The following MSRA variants were observed in gnomAD, a reference collection of about 807,000 sequenced individuals.
MSRA encodes the protein methionine sulfoxide reductase A, also known as mitochondrial peptide methionine sulfoxide reductase.
In MSRA, 54 loss-of-function variants were observed where a neutral mutation model predicts 31.3. The observed-to-expected ratio is 1.73, with a 90% CI of 1.39 to 2.17. The LOEUF (loss-of-function observed/expected upper bound fraction) is 2.17, where lower values mean the gene tolerates loss of function less well. Ranked by LOEUF, MSRA falls within the 30% of genes most tolerant of loss-of-function variation. The pLI is 0.00. For missense variants in MSRA, 507 were observed against 300.9 expected, an observed-to-expected ratio of 1.69 and a Z score of -5.07; for synonymous variants, 169 against 116.5, an observed-to-expected ratio of 1.45 and a Z score of -2.90.
chr8:10,243,209 G>A (rs1797428942), intron 2 of MSRA, among the ~76,000 whole-genome samples: 1 of 152,094 alleles, frequency 6.6e-6, no homozygotes, highest in African/African-American at 2.4e-5. Context: ...GTTAGTCGTT[G>A]TGCAGCACAG....
chr8:10,369,189 A>C (rs538594829), intron 5 of MSRA, among the ~76,000 whole-genome samples: 1 of 152,234 alleles, frequency 6.6e-6, no homozygotes, highest in Non-Finnish European at 1.5e-5. Context: ...TATATTAAGT[A>C]TTAAAAACTA....
chr8:10,174,582 C>T (rs139792314), intron 1 of MSRA, among the ~76,000 whole-genome samples: 12 of 152,254 alleles, frequency 7.9e-5, no homozygotes, highest in Admixed American at 6.5e-4. Context: ...TTCGCACTCT[C>T]TCAGCTTCCT....
chr8:10,109,756 T>C (rs1800147209), intron 1 of MSRA, among the ~76,000 whole-genome samples: 1 of 152,230 alleles, frequency 6.6e-6, no homozygotes. Flanking sequence ...ATGAAGCATT[T>C]TAATGAGGAG....
intron 1 of MSRA, among the ~76,000 whole-genome samples, chr8:10,087,852 C>G (rs2128925847): frequency 6.6e-6 from 1 of 152,270 alleles, no homozygotes; most frequent in Non-Finnish European, 1.5e-5. Context: ...ATGGGTTCTC[C>G]AAATGCAGTA....
At chr8:10,104,881 A>G (rs1185545730) in intron 1 of MSRA, among the ~76,000 whole-genome samples, 1 of 152,300 alleles carries the variant, frequency 6.6e-6, no homozygotes, top group South Asian at 2.1e-4. Context: ...TTTGGTTTCC[A>G]GTACCCATTT....
intron 3 of MSRA, among the ~76,000 whole-genome samples, chr8:10,294,889 G>T (rs1458102445): frequency 6.6e-6 from 1 of 152,142 alleles, no homozygotes; most frequent in Non-Finnish European, 1.5e-5. Context: ...CGGGGGCTTT[G>T]TGCACAGGTC....
chr8:10,329,755 G>T (rs1477274568), intron 5 of MSRA, among the ~76,000 whole-genome samples: 1 of 151,666 alleles, frequency 6.6e-6, no homozygotes, highest in Non-Finnish European at 1.5e-5. Flanking sequence ...AGCGCATCTG[G>T]CTTGCCCTGA....
chr8:10,425,331 A>G (rs1414747320), intron 5 of MSRA, among the ~76,000 whole-genome samples: 3 of 152,090 alleles, frequency 2.0e-5, no homozygotes, highest in Admixed American at 6.5e-5. Flanking sequence ...GGTTTTTCTT[A>G]GTGAAGTGTC....
At chr8:10,249,372 A>G (rs540804058) in intron 3 of MSRA, among the ~76,000 whole-genome samples, 78 of 152,320 alleles carry the variant, frequency 5.1e-4, no homozygotes, top group African/African-American at 1.8e-3. Context: ...TTATATGACA[A>G]AAACAGAGTT....
chr8:10,323,089 CAAAA>C (rs34539032), intron 5 of MSRA, among the ~76,000 whole-genome samples: 1 of 112,338 alleles, frequency 8.9e-6, no homozygotes, highest in Non-Finnish European at 1.7e-5. Flanking sequence ...GACTCCATCT[CAAAA>C]AAAAAAAAAA....
At chr8:10,165,747 C>G (rs376170218) in intron 1 of MSRA, among the ~76,000 whole-genome samples, 14 of 152,322 alleles carry the variant, frequency 9.2e-5, no homozygotes, top group African/African-American at 3.1e-4. Context: ...GTTTCCCCAT[C>G]TGCCAATTGG....
At chr8:10,235,306 A>G (rs1296547167) in intron 2 of MSRA, among the ~76,000 whole-genome samples, 1 of 152,170 alleles carries the variant, frequency 6.6e-6, no homozygotes, top group East Asian at 1.9e-4. Context: ...TATACTTTTA[A>G]GTAATTCATG....
At chr8:10,223,508 G>C (rs1340169503) in intron 2 of MSRA, among the ~76,000 whole-genome samples, 1 of 152,044 alleles carries the variant, frequency 6.6e-6, no homozygotes, top group African/African-American at 2.4e-5. Flanking sequence ...GCCACATTTG[G>C]GCTTCAGTCA....
chr8:10,383,576 G>A (rs1422604178), intron 5 of MSRA, among the ~76,000 whole-genome samples: 8 of 42,118 alleles, frequency 1.9e-4, no homozygotes, highest in Admixed American at 1.6e-3. Context: ...TCAGGTTGAC[G>A]GTGAGTTTGA....
At chr8:10,300,266 T>C (rs1164482216) in intron 3 of MSRA, among the ~76,000 whole-genome samples, 3 of 152,096 alleles carry the variant, frequency 2.0e-5, no homozygotes, top group Non-Finnish European at 4.4e-5. Context: ...TTTCTTTTTT[T>C]TTTCTTTGAG....
At chr8:10,385,483 G>T (rs991615281) in intron 5 of MSRA, among the ~76,000 whole-genome samples, 1 of 152,244 alleles carries the variant, frequency 6.6e-6, no homozygotes, top group African/African-American at 2.4e-5. Flanking sequence ...ATGTGGGGCA[G>T]AGGGCAGGGC....
intron 2 of MSRA, among the ~76,000 whole-genome samples, chr8:10,212,044 G>A (rs954549894): frequency 6.6e-6 from 1 of 152,030 alleles, no homozygotes; most frequent in African/African-American, 2.4e-5. Flanking sequence ...AATATTAGCT[G>A]GGTATGGTGG....
At chr8:10,357,646 C>T (rs995300752) in intron 5 of MSRA, among the ~76,000 whole-genome samples, 1 of 152,188 alleles carries the variant, frequency 6.6e-6, no homozygotes, top group African/African-American at 2.4e-5. Context: ...ACCTGGATTC[C>T]ACCATTTCTC....
intron 1 of MSRA, among the ~76,000 whole-genome samples, chr8:10,095,002 A>G (rs778038285): frequency 1.3e-5 from 2 of 152,210 alleles, no homozygotes; most frequent in Non-Finnish European, 2.9e-5. Context: ...AGCCTCCTTA[A>G]AAATAAAGTT....
Sources: gnomAD v4.1 joint callset for allele counts (sites outside exome capture counted in the v4.1 genomes callset) on GRCh38, gnomAD v4.1.1 for gene constraint, MANE v1.5 for transcripts, NCBI Gene and HGNC (gene_info 2026-07-23, HGNC 2026-07-21) for gene names.